ZNF44: variants seen among roughly 807,000 people sequenced by gnomAD.
ZNF44 encodes gonadotropin inducible transcription repressor-2.
A neutral mutation model predicts 11.7 loss-of-function variants in ZNF44; 9 were observed. That is an observed-to-expected ratio of 0.77 (90% CI 0.46 to 1.35). The LOEUF (loss-of-function observed/expected upper bound fraction) is 1.35, where lower values mean the gene tolerates loss of function less well. ZNF44 is among the 40% of genes most tolerant of loss of function. The probability of loss-of-function intolerance (pLI) is 0.00; values close to 1 mark genes in which losing one functional copy is unlikely to be tolerated. For missense variants in ZNF44, 696 were observed against 743.1 expected (o/e 0.94, Z 0.74); for synonymous variants, 224 against 242.7 (o/e 0.92, Z 0.72).
At chr19:12,258,392 T>C (rs1917357959) in intron 5 of ZNF44, among the ~76,000 whole-genome samples, 1 of 132,722 alleles carries the variant, frequency 7.5e-6, no homozygotes, top group African/African-American at 2.8e-5. Context: ...ACTACAACCA[T>C]ACAACCATTA....
chr19:12,247,860 T>C, exon 8 of ZNF44: 1 of 1,308,734 alleles, frequency 7.6e-7, no homozygotes, highest in Non-Finnish European at 1.0e-6. Context: ...TTTACATTCA[T>C]AGTGTTTCTG....
At chr19:12,286,937 TA>T (rs969550041) in intron 1 of ZNF44, among the ~76,000 whole-genome samples, 3 of 146,490 alleles carry the variant, frequency 2.0e-5, no homozygotes. Context: ...AAATAAAAAA[TA>T]AAAAAAAAAT....
exon 8 of ZNF44, chr19:12,248,672 A>C (rs918755343): frequency 3.1e-6 from 4 of 1,270,112 alleles, no homozygotes; most frequent in Non-Finnish European, 4.1e-6. Flanking sequence ...TCTCTACCAT[A>C]TGATTTCTGT....
intron 5 of ZNF44, among the ~76,000 whole-genome samples, chr19:12,255,223 A>G (rs1198214654): frequency 6.6e-6 from 1 of 152,210 alleles, no homozygotes; most frequent in African/African-American, 2.4e-5. Context: ...TATATAATCA[A>G]TTATCTAAGC....
At chr19:12,230,706 G>A (rs1207692364) in intron 2 of ZNF44, among the ~76,000 whole-genome samples, 3 of 152,198 alleles carry the variant, frequency 2.0e-5, no homozygotes, top group African/African-American at 7.2e-5. Flanking sequence ...CCAAATGTAA[G>A]AGTTAGAGGA....
rs1208361061 is a variant in ZNF44, at chr19:12,273,382, A to G, written c.873T>C (p.Ser291=). ...YKCKQCGKAF[S]VSGSLRVHER... ...CATGTACTCGAAGGGAACCGGAAAC[A>G]CTGAAGGCTTTCCCACATTGTTTAC... Residue 291 remains serine, a synonymous_variant, in exon 4 of 4, where the codon AGT becomes AGC. Transcript: ENST00000355684. The G allele has an allele frequency of 1.2e-6, 2 of 1,613,870 alleles. No homozygotes were observed. Among genetic ancestry groups the G allele is most frequent in the Middle Eastern group, 3.3e-4 (2 of 6,082 alleles).
chr19:12,294,594 A>G, intron 1 of ZNF44, 98 bp downstream of exon 1: 1 of 1,497,346 alleles, frequency 6.7e-7, no homozygotes, highest in South Asian at 1.2e-5. Flanking sequence ...CAGACCCCAA[A>G]GACGCTGCGG....
chr19:12,289,910 C>A (rs1377024774), intron 1 of ZNF44, among the ~76,000 whole-genome samples: 2 of 151,660 alleles, frequency 1.3e-5, no homozygotes, highest in Non-Finnish European at 2.9e-5. Context: ...GGATTACCGG[C>A]GTGAGCCACC....
chr19:12,246,355 T>C (rs1916766847), downstream of ZNF44, among the ~76,000 whole-genome samples: 1 of 152,174 alleles, frequency 6.6e-6, no homozygotes, highest in Admixed American at 6.6e-5. Context: ...TATAAGACTA[T>C]ATTGTATAAC....
rs939124130 is a variant in ZNF44, at chr19:12,293,476, G to GT, written c.3+1215dup. On this transcript the variant is annotated intron_variant, in intron 1 of 3. Coordinates refer to ENST00000355684, the MANE Select transcript of ZNF44 (RefSeq NM_016264.4). ...GAGATAAAAGAGGCACAAAGGTTTGGTTTTTTTTACAGCAGTGTCAGGTGG... is the reference window on the plus strand; with the variant it reads ...GAGATAAAAGAGGCACAAAGGTTTGGTTTTTTTTTACAGCAGTGTCAGGTGG... 252 of 1,222,928 alleles carry GT rather than the reference G, an allele frequency of 2.1e-4. 1 individual carries two copies. Among genetic ancestry groups the GT allele is most frequent in the African/African-American group, 6.6e-4 (44 of 66,428 alleles). The allele number at this position is 1,222,928 out of a possible 1,614,324, so 75.8% of individuals were successfully genotyped here.
chr19:12,263,482 G>T (rs533906827), intron 5 of ZNF44, among the ~76,000 whole-genome samples: 117 of 152,196 alleles, frequency 7.7e-4, no homozygotes, highest in African/African-American at 1.6e-3. Flanking sequence ...CAACACTGGG[G>T]ATGCAAAACA....
rs545459106 is a variant in ZNF44, at chr19:12,264,854, CCTGA to C, written c.1912+7629_1912+7632del. Among the ~76,000 whole-genome samples, 6 of 152,150 alleles carry C rather than the reference CCTGA, an allele frequency of 3.9e-5. No homozygotes were observed. The East Asian group carries it at 7.8e-4, about 20-fold the overall frequency. On this transcript the variant is annotated intron_variant and NMD_transcript_variant, in intron 5 of 7. Coordinates refer to the ZNF44 transcript ENST00000393337. Reference sequence around the variant, plus strand: ...GGGACCACAGGCACGCACCACTATGCCTGACTAATTTTTTGTATTTTTTGTTAGA... The same window carrying C: ...GGGACCACAGGCACGCACCACTATGCCTAATTTTTTGTATTTTTTGTTAGA...
downstream of ZNF44, among the ~76,000 whole-genome samples, chr19:12,243,959 GA>G (rs965296582): frequency 1.3e-5 from 2 of 151,632 alleles, no homozygotes; most frequent in African/African-American, 4.8e-5. Context: ...TGTCTTCTTT[GA>G]AAAAAATGTC....
rs945852553 is a variant in ZNF44 at position 12,236,403 on chromosome 19, T to C, written n.138+1049A>G. On this transcript the variant is annotated intron_variant and non_coding_transcript_variant, in intron 1 of 3. Transcript: ENST00000597563. Reference sequence around the variant, plus strand: ...TCGGACACAAATGTAGCTTGTAAATTACCAATTTAGAGGAAAATGAAGTTT... The same window carrying C: ...TCGGACACAAATGTAGCTTGTAAATCACCAATTTAGAGGAAAATGAAGTTT... Among the ~76,000 whole-genome samples the C allele has an allele frequency of 2.0e-5, 3 of 152,204 alleles. No individual in the cohort carries two copies. In the East Asian group the frequency reaches 5.8e-4, roughly 29 times the overall value.
At chr19:12,257,207 C>T (rs1917297358) in intron 5 of ZNF44, among the ~76,000 whole-genome samples, 1 of 152,196 alleles carries the variant, frequency 6.6e-6, no homozygotes, top group Non-Finnish European at 1.5e-5. Context: ...AAAACCTATA[C>T]AAATCTGTGA....
chr19:12,271,207 TTTGA>T (rs1428177161), downstream of ZNF44, among the ~76,000 whole-genome samples: 2 of 152,176 alleles, frequency 1.3e-5, no homozygotes, highest in African/African-American at 4.8e-5. Context: ...GCTAACATCC[TTTGA>T]TTGAAAAAAG....
chr19:12,258,160 C>CAAAAAAAAAA (rs770370872), intron 5 of ZNF44, among the ~76,000 whole-genome samples: 1 of 55,890 alleles, frequency 1.8e-5, no homozygotes, highest in Non-Finnish European at 3.4e-5. Context: ...CTCATCTCTA[C>CAAAAAAAAAA]AAAAAAAAAA....
chr19:12,225,654 G>T (rs1448668492), downstream of ZNF44, among the ~76,000 whole-genome samples: 6 of 152,188 alleles, frequency 3.9e-5, no homozygotes, highest in Non-Finnish European at 8.8e-5. Flanking sequence ...ACAGTATATA[G>T]TCCTACTGCA....
chr19:12,293,185 T>A (rs1022984415), intron 1 of ZNF44: 1 of 1,520,242 alleles, frequency 6.6e-7, no homozygotes, highest in Non-Finnish European at 8.8e-7. Context: ...GTTAGCTTTT[T>A]ACAGGAATGA....
Sources: gnomAD v4.1 joint callset for allele counts (sites outside exome capture counted in the v4.1 genomes callset) on GRCh38, gnomAD v4.1.1 for gene constraint, MANE v1.5 for transcripts, NCBI Gene and HGNC (gene_info 2026-07-23, HGNC 2026-07-21) for gene names.